ALG14: variants seen among roughly 807,000 people sequenced by gnomAD.
ALG14 encodes UDP-N-acetylglucosamine transferase subunit ALG14.
A neutral mutation model predicts 22.8 loss-of-function variants in ALG14; 17 were observed. The ratio of observed to expected loss-of-function variants is 0.75; its 90% confidence interval spans 0.51 to 1.12. The LOEUF is 1.12. Among genes scored for constraint, ALG14 ranks in the 50% most tolerant of loss-of-function variants. The probability of loss-of-function intolerance (pLI) is 0.00; values close to 1 mark genes in which losing one functional copy is unlikely to be tolerated. For missense variants in ALG14, 288 were observed against 271.8 expected (o/e 1.06, Z -0.42); for synonymous variants, 89 against 103.7 (o/e 0.86, Z 0.86).
intron 3 of ALG14, among the ~76,000 whole-genome samples, chr1:95,019,570 C>A (rs527344575): frequency 1.3e-5 from 2 of 152,290 alleles, no homozygotes; most frequent in East Asian, 3.9e-4. Flanking sequence ...AATCAGTTAA[C>A]CCTTTTGACT....
chr1:95,025,522 T>C (rs1673786697), intron 3 of ALG14, among the ~76,000 whole-genome samples: 1 of 152,230 alleles, frequency 6.6e-6, no homozygotes, highest in Non-Finnish European at 1.5e-5. Flanking sequence ...GACTTCTCTT[T>C]AGCCACGAGA....
intron 2 of ALG14, among the ~76,000 whole-genome samples, chr1:95,031,132 T>C (rs1201642657): frequency 6.6e-6 from 1 of 152,126 alleles, no homozygotes; most frequent in Non-Finnish European, 1.5e-5. Context: ...ACTGCAGAGG[T>C]GGATCTCAGC....
rs975727691 is a variant in ALG14, at chr1:94,980,794, T to C, written c.*2282A>G. 2 of 152,220 alleles carry C rather than the reference T, an allele frequency of 1.3e-5. No homozygotes were observed. Among genetic ancestry groups the C allele is most frequent in the African/African-American group, 2.4e-5 (1 of 41,456 alleles). 9.4% of individuals were successfully genotyped at this position (152,220 alleles called of 1,614,324 possible). On this transcript the variant is annotated 3_prime_UTR_variant, in exon 4 of 4. Coordinates refer to ENST00000370205, the MANE Select transcript of ALG14 (RefSeq NM_144988.4). ...CAGCAGCCTGAACCTATGAAAGATA[T>C]AACATTTCTAAACTTTTGGTGATAT...
intron 3 of ALG14, among the ~76,000 whole-genome samples, chr1:95,003,886 T>G (rs186827206): frequency 1.3e-5 from 2 of 152,342 alleles, no homozygotes; most frequent in East Asian, 3.9e-4. Flanking sequence ...TAACATCCAT[T>G]TTTTGATTCA....
At chr1:95,067,036 T>A (rs1293229593) in intron 1 of ALG14, 1 of 152,194 alleles carries the variant, frequency 6.6e-6, no homozygotes, top group Non-Finnish European at 1.5e-5. Context: ...TTATTTTTAT[T>A]TTTTAAGGAA....
At chr1:95,006,916 C>T (rs993280690) in intron 3 of ALG14, among the ~76,000 whole-genome samples, 1 of 152,244 alleles carries the variant, frequency 6.6e-6, no homozygotes, top group African/African-American at 2.4e-5. Context: ...CCATCTGGAT[C>T]ATTTTCCTCT....
At chr1:95,018,675 A>G (rs972545656) in intron 3 of ALG14, among the ~76,000 whole-genome samples, 1 of 152,198 alleles carries the variant, frequency 6.6e-6, no homozygotes, top group African/African-American at 2.4e-5. Flanking sequence ...CACAGAGAGC[A>G]GGAAATTCAC....
At chr1:95,000,440 G>A (rs1287634852) in intron 3 of ALG14, among the ~76,000 whole-genome samples, 3 of 150,584 alleles carry the variant, frequency 2.0e-5, no homozygotes, top group Non-Finnish European at 4.4e-5. Context: ...GGAGGCTGAG[G>A]CAGGAGGATT....
At chr1:95,058,565 C>T (rs528903628) in intron 2 of ALG14, among the ~76,000 whole-genome samples, 2 of 146,472 alleles carry the variant, frequency 1.4e-5, no homozygotes, top group Non-Finnish European at 1.5e-5. Context: ...TGTAGTGAGC[C>T]GAGATAGCAC....
intron 3 of ALG14, among the ~76,000 whole-genome samples, chr1:95,016,988 TG>T (rs1673518607): frequency 2.1e-5 from 3 of 142,180 alleles, no homozygotes; most frequent in Non-Finnish European, 4.6e-5. Flanking sequence ...TGTGTGTGTG[TG>T]TGTGTGTAGT....
chr1:94,995,139 CTTTAT>C (rs1672875963), intron 3 of ALG14, among the ~76,000 whole-genome samples: 1 of 152,058 alleles, frequency 6.6e-6, no homozygotes, highest in Non-Finnish European at 1.5e-5. Context: ...CAACAGTGTT[CTTTAT>C]TTTATGTGCA....
intron 2 of ALG14, among the ~76,000 whole-genome samples, chr1:95,044,732 G>A (rs960478690): frequency 6.6e-6 from 1 of 151,978 alleles, no homozygotes; most frequent in African/African-American, 2.4e-5. Flanking sequence ...TGGTATTACT[G>A]TCTTCTCATC....
At chr1:95,058,794 A>G (rs949727239) in intron 2 of ALG14, among the ~76,000 whole-genome samples, 10 of 151,974 alleles carry the variant, frequency 6.6e-5, no homozygotes, top group Non-Finnish European at 1.3e-4. Flanking sequence ...TTAAGAGTAT[A>G]TAACTGTTGA....
At chr1:95,015,084 G>A (rs1264640666) in intron 3 of ALG14, among the ~76,000 whole-genome samples, 1 of 152,158 alleles carries the variant, frequency 6.6e-6, no homozygotes, top group Non-Finnish European at 1.5e-5. Context: ...ATAGTGGGTT[G>A]GGAGCAAGTC....
chr1:94,996,401 T>C (rs1385434146), intron 3 of ALG14, among the ~76,000 whole-genome samples: 4 of 152,132 alleles, frequency 2.6e-5, no homozygotes, highest in Non-Finnish European at 5.9e-5. Context: ...AAGAAGGAGA[T>C]GTGGGCACTG....
At position 95,000,379 on chromosome 1, in the gene ALG14, T is replaced by TA. The variant is rs916758550; in HGVS notation, c.421-17074dup. Among the ~76,000 whole-genome samples the TA allele has an allele frequency of 1.4e-4, 20 of 145,578 alleles. No individual in the cohort carries two copies. In the East Asian group the frequency reaches 1.6e-3, roughly 12 times the overall value. On this transcript the variant is annotated intron_variant, in intron 3 of 3. Transcript: ENST00000370205. ...GGTGAGATCTTGTCTCCATAAAAAA[T>TA]AAAAAAAAAATTAGCTGGGTGGCAT...
rs974521419 is a variant in ALG14 at position 94,982,362 on chromosome 1, G to A, written c.*714C>T. 2 of 152,214 alleles carry A rather than the reference G, an allele frequency of 1.3e-5. No homozygotes were observed. Among genetic ancestry groups the A allele is most frequent in the Non-Finnish European group, 2.9e-5 (2 of 68,134 alleles). 9.4% of individuals were successfully genotyped at this position (152,214 alleles called of 1,614,324 possible). A position where few individuals can be genotyped will look rare whatever the true frequency, so the allele number is the denominator to read the frequency against. ...GCTGGTGTCAAACTCCTGACCTCCA[G>A]TGATCCACCCGCCTTAGCCTCCCAA... On this transcript the variant is annotated 3_prime_UTR_variant, in exon 4 of 4. Transcript: ENST00000370205.
rs531918351 is a variant in ALG14, at chr1:95,030,840, T to C, written c.289-3580A>G. On this transcript the variant is annotated intron_variant, in intron 2 of 3. Transcript: ENST00000370205. Reference sequence around the variant, plus strand: ...GCTAAGAAAATGGGTTTAGGAAGTCTCAGTCCATTTTCAGAAGAATAGAAA... The same window carrying C: ...GCTAAGAAAATGGGTTTAGGAAGTCCCAGTCCATTTTCAGAAGAATAGAAA... Among the ~76,000 whole-genome samples, 49 of 152,316 alleles carry C rather than the reference T, an allele frequency of 3.2e-4. No homozygotes were observed. In the South Asian group the frequency reaches 0.01, roughly 32 times the overall value.
intron 1 of ALG14, among the ~76,000 whole-genome samples, chr1:95,071,442 G>A (rs1394518825): frequency 1.3e-5 from 2 of 152,164 alleles, no homozygotes; most frequent in Non-Finnish European, 2.9e-5. Context: ...TACTCGGGAG[G>A]CTGAGGCAGG....
Sources: allele counts gnomAD v4.1 joint callset (sites outside exome capture counted in the v4.1 genomes callset), GRCh38; gene constraint gnomAD v4.1.1; transcripts MANE v1.5; gene names NCBI Gene and HGNC (gene_info 2026-07-23, HGNC 2026-07-21).